Variants in SUCLG2 observed in about 807,000 individuals in gnomAD.
SUCLG2 encodes the protein succinate-CoA ligase GDP-forming subunit beta.
Under a neutral mutation model 47.9 loss-of-function variants are expected in SUCLG2, and 42 were observed. The observed-to-expected ratio is 0.88, with a 90% CI of 0.69 to 1.14. The LOEUF is 1.14. SUCLG2 is among the 50% of genes most tolerant of loss of function. The pLI is 0.00. For missense variants in SUCLG2, 571 were observed against 525.9 expected (o/e 1.09, Z -0.84); for synonymous variants, 195 against 197.3 (o/e 0.99, Z 0.10).
rs35624985 is a variant in SUCLG2 at position 67,498,399 on chromosome 3, AT to A, written c.758-105del. On this transcript the variant is annotated intron_variant, in intron 7 of 10. Coordinates refer to ENST00000307227, the MANE Select transcript of SUCLG2 (RefSeq NM_003848.4). ...AGCGAAGGGAAAGTTAAGTACTGTC[AT>A]TTTTTTTCACATGTTACAGGCAGGA... The A allele has an allele frequency of 1.8e-3, 2,191 of 1,219,758 alleles. 32 individuals carry two copies. In the African/African-American group the frequency reaches 0.028, roughly 16 times the overall value. 75.6% of individuals were successfully genotyped at this position (1,219,758 alleles called of 1,614,324 possible). A position where few individuals can be genotyped will look rare whatever the true frequency, so the allele number is the denominator to read the frequency against.
intron 9 of SUCLG2, among the ~76,000 whole-genome samples, chr3:67,469,830 G>A (rs1340106268): frequency 1.3e-5 from 2 of 151,722 alleles, no homozygotes; most frequent in Non-Finnish European, 2.9e-5. Context: ...CCTATCACCT[G>A]AGGTCAGGAG....
chr3:67,650,235 G>C (rs774221965), intron 1 of SUCLG2, among the ~76,000 whole-genome samples: 1 of 152,216 alleles, frequency 6.6e-6, no homozygotes, highest in Non-Finnish European at 1.5e-5. Flanking sequence ...GCCTCATTTA[G>C]CTGATAAGAA....
intron 7 of SUCLG2, among the ~76,000 whole-genome samples, chr3:67,498,638 T>C (rs1009820062): frequency 6.6e-6 from 1 of 152,218 alleles, no homozygotes; most frequent in Non-Finnish European, 1.5e-5. Flanking sequence ...ATATTTTTAG[T>C]ATTTAACCAC....
chr3:67,444,138 G>A (rs1313858677), intron 9 of SUCLG2, among the ~76,000 whole-genome samples: 2 of 61,290 alleles, frequency 3.3e-5, no homozygotes, highest in African/African-American at 5.2e-5. Flanking sequence ...CTGGCCAGCC[G>A]TGCCGTCCGG....
chr3:67,639,255 G>A (rs368326420), intron 1 of SUCLG2, among the ~76,000 whole-genome samples: 8 of 152,056 alleles, frequency 5.3e-5, no homozygotes, highest in Non-Finnish European at 1.0e-4. Flanking sequence ...GCTCAAATGT[G>A]GATTTAAATA....
chr3:67,630,883 T>C (rs959270374), intron 1 of SUCLG2, among the ~76,000 whole-genome samples: 2 of 152,262 alleles, frequency 1.3e-5, no homozygotes, highest in Admixed American at 1.3e-4. Flanking sequence ...TTTACTGTAA[T>C]GCAGCCATGC....
chr3:67,511,091 G>A (rs189773220), intron 6 of SUCLG2, among the ~76,000 whole-genome samples: 1 of 151,992 alleles, frequency 6.6e-6, no homozygotes, highest in Admixed American at 6.5e-5. Context: ...TTTTCACCAC[G>A]TTGGCCAGGA....
intron 4 of SUCLG2, among the ~76,000 whole-genome samples, chr3:67,527,510 G>T (rs1186479470): frequency 6.6e-6 from 1 of 152,184 alleles, no homozygotes; most frequent in Non-Finnish European, 1.5e-5. Context: ...TGGCAGGAGG[G>T]AGAGTTAGGT....
Position 67,414,356 on chromosome 3 carries a change from T to C in SUCLG2, c.1063-13505A>G, listed in dbSNP as rs559900517. Among the ~76,000 whole-genome samples the C allele has an allele frequency of 2.0e-5, 3 of 152,368 alleles. No homozygotes were observed. The East Asian group carries it at 5.8e-4, about 29-fold the overall frequency. ...TTACAGTTCCAAATGACTGTTTTTATAGATGTATCGAGTACATTGATGTTG... is the reference window on the plus strand; with the variant it reads ...TTACAGTTCCAAATGACTGTTTTTACAGATGTATCGAGTACATTGATGTTG... On this transcript the variant is annotated intron_variant, in intron 9 of 10. Coordinates refer to ENST00000307227, the MANE Select transcript of SUCLG2 (RefSeq NM_003848.4).
At chr3:67,626,906 T>C (rs1454518885) in intron 1 of SUCLG2, among the ~76,000 whole-genome samples, 1 of 94,658 alleles carries the variant, frequency 1.1e-5, no homozygotes, top group African/African-American at 4.4e-5. Flanking sequence ...AGAGTGAGAC[T>C]CCGTCTCAAA....
chr3:67,586,262 C>T (rs906753803), intron 2 of SUCLG2, among the ~76,000 whole-genome samples: 1 of 152,156 alleles, frequency 6.6e-6, no homozygotes, highest in Non-Finnish European at 1.5e-5. Flanking sequence ...AATTTCCCAC[C>T]ACCAGATTCA....
At position 67,654,491 on chromosome 3, in the gene SUCLG2, C is replaced by G; in HGVS notation, c.84+12G>C. 1 of 1,235,286 alleles carries G rather than the reference C, an allele frequency of 8.1e-7. No homozygotes were observed. Among genetic ancestry groups the G allele is most frequent in the Non-Finnish European group, 1.0e-6 (1 of 988,758 alleles). 76.5% of individuals were successfully genotyped at this position (1,235,286 alleles called of 1,614,324 possible). A position where few individuals can be genotyped will look rare whatever the true frequency, so the allele number is the denominator to read the frequency against. ...CGCTGCTGGCGCCCGCAGCTCCTGC[C>G]CCCACGCTCACCTGGGACCCGGCCG... On this transcript the variant is annotated intron_variant, in intron 1 of 10. Transcript: ENST00000307227.
At chr3:67,627,269 C>G (rs930931119) in intron 1 of SUCLG2, among the ~76,000 whole-genome samples, 1 of 152,076 alleles carries the variant, frequency 6.6e-6, no homozygotes, top group Non-Finnish European at 1.5e-5. Context: ...GCTTTAAATC[C>G]CATGGAATTA....
intron 7 of SUCLG2, among the ~76,000 whole-genome samples, chr3:67,498,895 A>G (rs1705421609): frequency 6.6e-6 from 1 of 152,292 alleles, no homozygotes; most frequent in South Asian, 2.1e-4. Flanking sequence ...CTTGAACAAC[A>G]TGGGTTTGAA....
At chr3:67,631,082 C>G (rs1700917706) in intron 1 of SUCLG2, among the ~76,000 whole-genome samples, 1 of 152,184 alleles carries the variant, frequency 6.6e-6, no homozygotes, top group Admixed American at 6.5e-5. Context: ...CAGGCTGATG[C>G]TCTCTTACAA....
chr3:67,591,457 C>A (rs1282580679), intron 2 of SUCLG2, among the ~76,000 whole-genome samples: 1 of 152,158 alleles, frequency 6.6e-6, no homozygotes. Context: ...AGAATTTTCA[C>A]GTGTTGTGGG....
At chr3:67,637,817 C>T (rs1701034713) in intron 1 of SUCLG2, among the ~76,000 whole-genome samples, 1 of 152,138 alleles carries the variant, frequency 6.6e-6, no homozygotes, top group South Asian at 2.1e-4. Flanking sequence ...ATGTAGCTTT[C>T]TCCTATACCA....
At chr3:67,631,264 T>C (rs946299971) in intron 1 of SUCLG2, among the ~76,000 whole-genome samples, 3 of 152,214 alleles carry the variant, frequency 2.0e-5, no homozygotes, top group Admixed American at 2.0e-4. Flanking sequence ...CAGGAAAAGA[T>C]GACCCTCTTG....
intron 9 of SUCLG2, among the ~76,000 whole-genome samples, chr3:67,457,684 CTTTTTTTTTTTTTT>C (rs71109889): frequency 3.1e-5 from 2 of 65,510 alleles, no homozygotes; most frequent in African/African-American, 1.5e-4. Context: ...ACAAAAGCAG[CTTTTTTTTTTTTTT>C]TTTTTTTTTT....
Sources: allele counts gnomAD v4.1 joint callset (sites outside exome capture counted in the v4.1 genomes callset), GRCh38; gene constraint gnomAD v4.1.1; transcripts MANE v1.5; gene names NCBI Gene and HGNC (gene_info 2026-07-23, HGNC 2026-07-21).